Variants in MACROD2 observed in about 807,000 individuals in gnomAD.
MACROD2 encodes mono-ADP ribosylhydrolase 2.
MACROD2 carries 36 observed loss-of-function variants against 70.4 expected under a neutral mutation model. The observed-to-expected ratio is 0.51, with a 90% CI of 0.39 to 0.68. MACROD2 has a LOEUF of 0.68. Among genes scored for constraint, MACROD2 ranks in the 30% least tolerant of loss-of-function variants. The probability of loss-of-function intolerance (pLI) is 0.00; values close to 1 mark genes in which losing one functional copy is unlikely to be tolerated. For missense variants in MACROD2, 496 were observed against 538.4 expected (o/e 0.92, Z 0.78); for synonymous variants, 172 against 178.8 (o/e 0.96, Z 0.30).
chr20:14,422,711 T>C (rs2083889054), intron 3 of MACROD2, among the ~76,000 whole-genome samples: 1 of 152,238 alleles, frequency 6.6e-6, no homozygotes, highest in Middle Eastern at 3.2e-3. Context: ...GGTATCTTTA[T>C]ACGCTGTCTA....
At chr20:15,373,714 CTT>C (rs899684313) in intron 6 of MACROD2, among the ~76,000 whole-genome samples, 1 of 151,982 alleles carries the variant, frequency 6.6e-6, no homozygotes, top group African/African-American at 2.4e-5. Context: ...TTTTTGGGCA[CTT>C]TTCAAGAAGA....
intron 13 of MACROD2, among the ~76,000 whole-genome samples, chr20:15,974,200 G>T (rs1208960123): frequency 6.6e-6 from 1 of 152,138 alleles, no homozygotes; most frequent in Non-Finnish European, 1.5e-5. Flanking sequence ...AAAACAACTA[G>T]TTGGCCATTT....
rs193109574 is a variant in MACROD2 at position 14,834,341 on chromosome 20, C to A, written c.418+149382C>A. 5.9e-5 allele frequency among the ~76,000 whole-genome samples: 9 copies of A among 151,780 alleles called. No individual in the cohort carries two copies. In the East Asian group the frequency reaches 1.7e-3, roughly 29 times the overall value. On this transcript the variant is annotated intron_variant, in intron 5 of 17. Coordinates refer to ENST00000684519, the MANE Select transcript of MACROD2 (RefSeq NM_001351661.2). The stretch of plus-strand genomic sequence containing the variant: ...GATAGAAAATGTTTAGTTTAAACAG[C>A]TTCCCAGAAAACTGTTTTTATAGCC...
At chr20:14,795,398 A>C (rs778004342) in intron 5 of MACROD2, among the ~76,000 whole-genome samples, 1 of 152,108 alleles carries the variant, frequency 6.6e-6, no homozygotes, top group Non-Finnish European at 1.5e-5. Flanking sequence ...AGGACTAGCG[A>C]GTAACTTGGA....
At chr20:15,676,631 T>C (rs2146847871) in intron 8 of MACROD2, among the ~76,000 whole-genome samples, 1 of 152,346 alleles carries the variant, frequency 6.6e-6, no homozygotes, top group Non-Finnish European at 1.5e-5. Flanking sequence ...CTTTGTTTTA[T>C]TGCACTTTAA....
chr20:15,315,946 G>A (rs908493909), intron 6 of MACROD2, among the ~76,000 whole-genome samples: 3 of 151,782 alleles, frequency 2.0e-5, no homozygotes, highest in African/African-American at 7.3e-5. Flanking sequence ...AGCTGCATTT[G>A]GACACTCTTT....
intron 6 of MACROD2, among the ~76,000 whole-genome samples, chr20:15,320,267 A>G (rs2077860413): frequency 6.6e-6 from 1 of 152,150 alleles, no homozygotes; most frequent in African/African-American, 2.4e-5. Context: ...TAGCTAATGA[A>G]ATTATTACTT....
At chr20:14,842,049 C>T (rs1016712634) in intron 5 of MACROD2, among the ~76,000 whole-genome samples, 4 of 150,220 alleles carry the variant, frequency 2.7e-5, no homozygotes, top group Admixed American at 6.7e-5. Flanking sequence ...TGTTTATTCA[C>T]GAGTCTAGAG....
At chr20:15,673,800 C>T (rs2146842102) in intron 8 of MACROD2, among the ~76,000 whole-genome samples, 1 of 148,836 alleles carries the variant, frequency 6.7e-6, no homozygotes, top group Non-Finnish European at 1.5e-5. Flanking sequence ...AAAAAACAGC[C>T]CTGATCTCAA....
At chr20:14,966,336 G>T (rs1181990875) in intron 5 of MACROD2, among the ~76,000 whole-genome samples, 1 of 152,160 alleles carries the variant, frequency 6.6e-6, no homozygotes, top group Non-Finnish European at 1.5e-5. Context: ...AGCACTTTGG[G>T]AGGCTGAGGC....
intron 15 of MACROD2, among the ~76,000 whole-genome samples, chr20:16,022,195 C>T (rs1482322393): frequency 3.3e-5 from 5 of 151,992 alleles, no homozygotes; most frequent in South Asian, 2.1e-4. Flanking sequence ...GGACTACAGG[C>T]GCCCACTACC....
intron 8 of MACROD2, among the ~76,000 whole-genome samples, chr20:15,629,372 C>G (rs943493663): frequency 2.6e-5 from 4 of 152,314 alleles, no homozygotes; most frequent in Middle Eastern, 3.4e-3. Flanking sequence ...GCATCATTCT[C>G]TGCTTAACTA....
rs531129422 is a variant in MACROD2, at chr20:14,396,151, T to G, written c.272-97328T>G. Among the ~76,000 whole-genome samples, 7 of 152,350 alleles carry G rather than the reference T, an allele frequency of 4.6e-5. No homozygotes were observed. In the South Asian group the frequency reaches 1.2e-3, roughly 27 times the overall value. On this transcript the variant is annotated intron_variant, in intron 3 of 17. Transcript: ENST00000684519. ...GAGACATGTTTTATGGTCCATGGTG[T>G]TGTTTGTCTTGGTAAATGTTCCATG...
At chr20:14,959,015 T>C (rs889308515) in intron 5 of MACROD2, among the ~76,000 whole-genome samples, 1 of 152,140 alleles carries the variant, frequency 6.6e-6, no homozygotes, top group Non-Finnish European at 1.5e-5. Context: ...CTCTAAATGA[T>C]CTTTATTTAT....
chr20:14,176,455 A>G (rs1485315682), intron 3 of MACROD2, among the ~76,000 whole-genome samples: 3 of 152,216 alleles, frequency 2.0e-5, no homozygotes, highest in South Asian at 4.1e-4. Flanking sequence ...CTAAAATGTG[A>G]CAATTTTAGA....
intron 5 of MACROD2, among the ~76,000 whole-genome samples, chr20:14,814,443 T>C (rs1191908796): frequency 6.6e-6 from 1 of 152,086 alleles, no homozygotes; most frequent in Non-Finnish European, 1.5e-5. Flanking sequence ...AAAAGGGAGT[T>C]AGCAGATATT....
intron 2 of MACROD2, among the ~76,000 whole-genome samples, chr20:14,048,170 A>G (rs1348248252): frequency 6.6e-6 from 1 of 152,196 alleles, no homozygotes; most frequent in Non-Finnish European, 1.5e-5. Context: ...CCAAAGAAGA[A>G]GGCTTTAATC....
intron 4 of MACROD2, among the ~76,000 whole-genome samples, chr20:14,509,473 C>T (rs1369706589): frequency 6.6e-6 from 1 of 151,872 alleles, no homozygotes; most frequent in Non-Finnish European, 1.5e-5. Flanking sequence ...TATATATTTC[C>T]ATAAAAGAAT....
At chr20:15,030,445 C>T (rs914580860) in intron 5 of MACROD2, among the ~76,000 whole-genome samples, 1 of 152,068 alleles carries the variant, frequency 6.6e-6, no homozygotes, top group Non-Finnish European at 1.5e-5. Context: ...GCTTAATTGC[C>T]CTTCGGTAAA....
Sources: gnomAD v4.1 joint callset for allele counts (sites outside exome capture counted in the v4.1 genomes callset) on GRCh38, gnomAD v4.1.1 for gene constraint, MANE v1.5 for transcripts, NCBI Gene and HGNC (gene_info 2026-07-23, HGNC 2026-07-21) for gene names.